Variants in KSR2 observed in about 807,000 individuals in gnomAD.
KSR2 encodes kinase suppressor of ras 2.
A neutral mutation model predicts 107.8 loss-of-function variants in KSR2; 25 were observed. The ratio of observed to expected loss-of-function variants is 0.23; its 90% CI spans 0.17 to 0.32. The LOEUF is 0.32. KSR2 is among the 10% of genes least tolerant of loss of function. KSR2 has a pLI of 1.00. For missense variants in KSR2, 887 were observed against 1,268.9 expected, an observed-to-expected ratio of 0.70 and a Z score of 4.57; for synonymous variants, 480 against 507.0, an observed-to-expected ratio of 0.95 and a Z score of 0.71.
chr12:117,886,960 A>G (rs1211964027), intron 1 of KSR2, among the ~76,000 whole-genome samples: 1 of 152,116 alleles, frequency 6.6e-6, no homozygotes, highest in Non-Finnish European at 1.5e-5. Context: ...GTCTTACTCT[A>G]TCACCAAGGC....
intron 5 of KSR2, among the ~76,000 whole-genome samples, chr12:117,585,195 T>C (rs1879916842): frequency 6.6e-6 from 1 of 152,138 alleles, no homozygotes; most frequent in Non-Finnish European, 1.5e-5. Context: ...AGCATCAAGG[T>C]AGAGAATTCC....
intron 5 of KSR2, among the ~76,000 whole-genome samples, chr12:117,659,099 G>A (rs1447994193): frequency 1.3e-5 from 2 of 152,168 alleles, no homozygotes; most frequent in Non-Finnish European, 2.9e-5. Context: ...GACAAAGGCA[G>A]GATCGATCAG....
At chr12:117,925,968 G>A (rs868639722) in intron 1 of KSR2, among the ~76,000 whole-genome samples, 3 of 152,038 alleles carry the variant, frequency 2.0e-5, no homozygotes, top group Admixed American at 6.6e-5. Flanking sequence ...AGGCTGAGGC[G>A]GGCAGATCAC....
intron 1 of KSR2, among the ~76,000 whole-genome samples, chr12:117,963,148 C>T (rs371255263): frequency 2.6e-5 from 4 of 151,982 alleles, no homozygotes; most frequent in East Asian, 2.0e-4. Flanking sequence ...CGAGATCACG[C>T]CACTGCACTC....
At chr12:117,656,063 A>G (rs1472463981) in intron 5 of KSR2, among the ~76,000 whole-genome samples, 1 of 152,242 alleles carries the variant, frequency 6.6e-6, no homozygotes, top group African/African-American at 2.4e-5. Context: ...AGTAGAAGGT[A>G]GTCATCAATA....
intron 1 of KSR2, among the ~76,000 whole-genome samples, chr12:117,901,899 A>G (rs968321497): frequency 6.6e-6 from 1 of 152,170 alleles, no homozygotes; most frequent in African/African-American, 2.4e-5. Flanking sequence ...TTTTCCACTC[A>G]GTTCAAAATA....
At chr12:117,579,278 G>A (rs745708912) in intron 6 of KSR2, 76 bp from the exon 7 acceptor site, 76 of 1,014,718 alleles carry the variant, frequency 7.5e-5, no homozygotes, top group Non-Finnish European at 1.1e-4. Flanking sequence ...TGAAGTACTT[G>A]AAGAGCAAGC....
chr12:117,878,251 C>T (rs1036421217), intron 1 of KSR2, among the ~76,000 whole-genome samples: 10 of 150,948 alleles, frequency 6.6e-5, no homozygotes, highest in Admixed American at 1.3e-4. Flanking sequence ...TAATAACACA[C>T]GCTTTCATCC....
At chr12:117,849,207 T>A (rs939664440) in intron 3 of KSR2, among the ~76,000 whole-genome samples, 14 of 152,164 alleles carry the variant, frequency 9.2e-5, no homozygotes, top group African/African-American at 3.4e-4. Flanking sequence ...CAACCCCGCT[T>A]AGCCTGCTGC....
At chr12:117,752,839 T>C (rs1267685016) in intron 4 of KSR2, among the ~76,000 whole-genome samples, 1 of 152,202 alleles carries the variant, frequency 6.6e-6, no homozygotes, top group Non-Finnish European at 1.5e-5. Flanking sequence ...AACAAGCCAT[T>C]TGTATTGTGG....
intron 3 of KSR2, among the ~76,000 whole-genome samples, chr12:117,817,464 G>GA (rs1891413979): frequency 6.6e-6 from 1 of 152,052 alleles, no homozygotes; most frequent in African/African-American, 2.4e-5. Context: ...AAGAGAAAAG[G>GA]AAAAGGTTGG....
chr12:117,916,293 C>T (rs1895173547), intron 1 of KSR2, among the ~76,000 whole-genome samples: 1 of 151,812 alleles, frequency 6.6e-6, no homozygotes, highest in Non-Finnish European at 1.5e-5. Context: ...GGCACCACCA[C>T]GCCTGGCTAA....
At chr12:117,891,276 T>C (rs1894332975) in intron 1 of KSR2, among the ~76,000 whole-genome samples, 1 of 149,818 alleles carries the variant, frequency 6.7e-6, no homozygotes, top group Non-Finnish European at 1.5e-5. Flanking sequence ...ATTAACCGGG[T>C]GTGGTGGCGC....
intron 1 of KSR2, among the ~76,000 whole-genome samples, chr12:117,908,715 CA>C (rs1347666630): frequency 6.6e-6 from 1 of 152,156 alleles, no homozygotes; most frequent in Non-Finnish European, 1.5e-5. Context: ...TTGATGCAAA[CA>C]AAGGCAAAAC....
intron 4 of KSR2, among the ~76,000 whole-genome samples, chr12:117,714,704 A>G (rs567344491): frequency 3.3e-5 from 5 of 152,276 alleles, no homozygotes; most frequent in East Asian, 3.9e-4. Context: ...CCTGTTCTCA[A>G]TGGGGACAAA....
intron 4 of KSR2, among the ~76,000 whole-genome samples, chr12:117,710,802 A>C (rs1593156664): frequency 2.0e-5 from 3 of 152,270 alleles, no homozygotes; most frequent in Admixed American, 2.0e-4. Context: ...TGCCCCCTTC[A>C]TAATTCCCTG....
At position 117,942,465 on chromosome 12, in the gene KSR2, A is replaced by G. The variant is rs558121713; in HGVS notation, c.180+25611T>C. 2.0e-5 allele frequency among the ~76,000 whole-genome samples: 3 copies of G among 150,788 alleles called. No homozygotes were observed. In the East Asian group the frequency reaches 5.8e-4, roughly 29 times the overall value. On this transcript the variant is annotated intron_variant, in intron 1 of 19. Transcript: ENST00000339824. The stretch of plus-strand genomic sequence containing the variant: ...TGAATTTTTCAAGTTCCCTCTATGT[A>G]TATTTCTTTTTCTTTTCCTTTTTTT...
chr12:117,765,619 A>G (rs566188767), intron 3 of KSR2, among the ~76,000 whole-genome samples: 37 of 152,294 alleles, frequency 2.4e-4, no homozygotes, highest in African/African-American at 8.7e-4. Flanking sequence ...AAAAAAACCT[A>G]TTTTTGCAGA....
At position 117,811,194 on chromosome 12, in the gene KSR2, T is replaced by A. The variant is rs563484181; in HGVS notation, c.472+44234A>T. The stretch of plus-strand genomic sequence containing the variant: ...AGGGTGACTTCTGCCCTCCTGGCCC[T>A]GCTCTGCCCTCTACACCCACACAAC... On this transcript the variant is annotated intron_variant, in intron 3 of 19. Transcript: ENST00000339824. 1.0e-3 allele frequency among the ~76,000 whole-genome samples: 154 copies of A among 152,288 alleles called. No homozygotes were observed. The Middle Eastern group carries it at 0.01, about 10-fold the overall frequency.
Sources: gnomAD v4.1 joint callset for allele counts (sites outside exome capture counted in the v4.1 genomes callset) on GRCh38, gnomAD v4.1.1 for gene constraint, MANE v1.5 for transcripts, NCBI Gene and HGNC (gene_info 2026-07-23, HGNC 2026-07-21) for gene names.